CMC2: variants seen among roughly 807,000 people sequenced by gnomAD.
CMC2 encodes COX assembly mitochondrial protein 2 homolog.
CMC2 carries 5 observed loss-of-function variants against 7.5 expected under a neutral mutation model. The ratio of observed to expected loss-of-function variants is 0.66; its 90% CI spans 0.35 to 1.40. CMC2 has a LOEUF of 1.40. Among genes scored for constraint, CMC2 ranks in the 40% most tolerant of loss-of-function variants. The probability of loss-of-function intolerance (pLI) is 0.04; values close to 1 mark genes in which losing one functional copy is unlikely to be tolerated. For missense variants in CMC2, 115 were observed against 92.3 expected (o/e 1.25, Z -1.01); for synonymous variants, 37 against 31.4 (o/e 1.18, Z -0.60).
intron 2 of CMC2, among the ~76,000 whole-genome samples, chr16:80,991,165 CA>C (rs1967964501): frequency 6.6e-6 from 1 of 151,956 alleles, no homozygotes; most frequent in Admixed American, 6.6e-5. Flanking sequence ...TCCATACTGA[CA>C]TAAGTAAATA....
At position 80,975,178 on chromosome 16, in the gene CMC2, G is replaced by C. The variant is rs559633901; in HGVS notation, c.*915C>G. On this transcript the variant is annotated 3_prime_UTR_variant, in exon 4 of 4. Coordinates refer to ENST00000219400, the MANE Select transcript of CMC2 (RefSeq NM_020188.5). ...GGGAAGAACAGTCCTATACTCAGCA[G>C]AGAGGAGACACACTGGCCTAAGGTT... 1 of 152,386 alleles carries C rather than the reference G, an allele frequency of 6.6e-6. No homozygotes were observed. The highest frequency in any genetic ancestry group is 1.5e-5 in the Non-Finnish European group (1 of 68,056). 9.4% of individuals were successfully genotyped at this position (152,386 alleles called of 1,614,324 possible). A position where few individuals can be genotyped will look rare whatever the true frequency, so the allele number is the denominator to read the frequency against.
At chr16:81,000,632 C>T (rs981455983) in intron 1 of CMC2, among the ~76,000 whole-genome samples, 1 of 152,140 alleles carries the variant, frequency 6.6e-6, no homozygotes, top group Non-Finnish European at 1.5e-5. Context: ...AAATGCAAAT[C>T]AAAACCACAA....
At chr16:80,979,675 C>T (rs1966970394) in intron 3 of CMC2, among the ~76,000 whole-genome samples, 1 of 151,938 alleles carries the variant, frequency 6.6e-6, no homozygotes, top group Non-Finnish European at 1.5e-5. Flanking sequence ...GGCTAGAATG[C>T]AGTAATGTGA....
rs969983556 is a variant in CMC2 at position 80,970,304 on chromosome 16, C to G, written c.*5789G>C. On this transcript the variant is annotated 3_prime_UTR_variant, in exon 4 of 4. Transcript: ENST00000219400. ...AATCCAAATCTCACCGATTAATGGA[C>G]ATTAATTCCTATCTGGAATCCTAAC... The G allele has an allele frequency of 6.6e-6, 1 of 152,146 alleles. No homozygotes were observed. The highest frequency in any genetic ancestry group is 1.5e-5 in the Non-Finnish European group (1 of 68,042). 9.4% of individuals were successfully genotyped at this position (152,146 alleles called of 1,614,324 possible). A position where few individuals can be genotyped will look rare whatever the true frequency, so the allele number is the denominator to read the frequency against.
chr16:80,979,086 AT>A lies in CMC2; in HGVS notation c.153+2719del, dbSNP rs201264766. Among the ~76,000 whole-genome samples the A allele has an allele frequency of 2.3e-4, 34 of 150,572 alleles. 2 individuals are homozygous for A. In the South Asian group the frequency reaches 2.3e-3, roughly 10 times the overall value. ...ACAGAGTGAGACTCTGGCAAAAAAA[AT>A]AAAAAAATAAAAAAGCTTCATGGAA... On this transcript the variant is annotated intron_variant, in intron 3 of 3. Coordinates refer to ENST00000219400, the MANE Select transcript of CMC2 (RefSeq NM_020188.5).
Position 80,981,894 on chromosome 16 carries a change from G to T in CMC2, c.82-17C>A. On this transcript the variant is annotated splice_polypyrimidine_tract_variant and intron_variant, in intron 2 of 3. Transcript: ENST00000219400. The stretch of plus-strand genomic sequence containing the variant: ...AATGTTGTGCTAAAAGGAAGAAAAG[G>T]AGTAAAATATTTCATCCCATAATAT... The T allele has an allele frequency of 1.3e-6, 2 of 1,559,252 alleles. No homozygotes were observed. The highest frequency in any genetic ancestry group is 1.8e-6 in the Non-Finnish European group (2 of 1,133,374).
chr16:80,980,161 C>T (rs1269096501), intron 3 of CMC2, among the ~76,000 whole-genome samples: 1 of 151,452 alleles, frequency 6.6e-6, no homozygotes, highest in East Asian at 2.0e-4. Flanking sequence ...CTCAAAGGAT[C>T]CTCCTGCCTC....
chr16:80,978,774 C>G (rs115900917), intron 3 of CMC2, among the ~76,000 whole-genome samples: 2,728 of 152,054 alleles, frequency 0.018, 88 homozygotes, highest in African/African-American at 0.063. Context: ...TGGCCATACC[C>G]TTTTTCTACT....
At position 80,973,513 on chromosome 16, in the gene CMC2, C is replaced by A. The variant is rs927083019; in HGVS notation, c.*2580G>T. The A allele has an allele frequency of 6.6e-6, 1 of 152,210 alleles. No individual in the cohort carries two copies. Among genetic ancestry groups the A allele is most frequent in the African/African-American group, 2.4e-5 (1 of 41,448 alleles). 9.4% of individuals were successfully genotyped at this position (152,210 alleles called of 1,614,324 possible). A position where few individuals can be genotyped will look rare whatever the true frequency, so the allele number is the denominator to read the frequency against. On this transcript the variant is annotated 3_prime_UTR_variant, in exon 4 of 4. Transcript: ENST00000219400. ...CTGGGTTGAACTGGTTTAACCATAA[C>A]TATTCACCGAATAACCAGAAAGATC...
chr16:80,992,876 G>C (rs1042602377), intron 2 of CMC2, among the ~76,000 whole-genome samples: 32 of 152,084 alleles, frequency 2.1e-4, no homozygotes, highest in African/African-American at 2.2e-4. Context: ...ATTTTTTGTA[G>C]AGACAGGATC....
chr16:80,994,365 C>G (rs1968240672), intron 2 of CMC2, among the ~76,000 whole-genome samples: 1 of 148,314 alleles, frequency 6.7e-6, no homozygotes, highest in African/African-American at 2.5e-5. Flanking sequence ...AAGCACAAAC[C>G]ATGAAAGAAA....
Position 80,966,753 on chromosome 16 carries a change from T to C in CMC2, c.*9340A>G, listed in dbSNP as rs1911581018. ...AAAATCAACTTGACATGTACTCGAG[T>C]TATTTGTTTCAGCTTGTTTTCAAGT... is the stretch of plus-strand genomic sequence containing the variant. On this transcript the variant is annotated 3_prime_UTR_variant, in exon 4 of 4. Transcript: ENST00000219400. 1 of 152,160 alleles carries C rather than the reference T, an allele frequency of 6.6e-6. No homozygotes were observed. The highest frequency in any genetic ancestry group is 1.5e-5 in the Non-Finnish European group (1 of 68,028). The allele number at this position is 152,160 out of a possible 1,614,324, so 9.4% of individuals were successfully genotyped here. A position where few individuals can be genotyped will look rare whatever the true frequency, so the allele number is the denominator to read the frequency against.
At chr16:80,991,550 A>G (rs910747761) in intron 2 of CMC2, among the ~76,000 whole-genome samples, 5 of 151,966 alleles carry the variant, frequency 3.3e-5, no homozygotes, top group Non-Finnish European at 7.4e-5. Context: ...GTGAGATGAG[A>G]GGATCACCCA....
chr16:80,990,213 C>G (rs1458539953), intron 2 of CMC2, among the ~76,000 whole-genome samples: 1 of 151,214 alleles, frequency 6.6e-6, no homozygotes, highest in African/African-American at 2.5e-5. Context: ...CTCTGTCACC[C>G]AGGCTAGCGT....
chr16:80,989,825 T>C (rs1433279242), intron 2 of CMC2, among the ~76,000 whole-genome samples: 1 of 152,188 alleles, frequency 6.6e-6, no homozygotes, highest in African/African-American at 2.4e-5. Flanking sequence ...AAGAAACCTG[T>C]CTCTTTTCGT....
chr16:80,997,144 T>C (rs1968488474), intron 2 of CMC2, 170 bp downstream of exon 2: 1 of 606,956 alleles, frequency 1.6e-6, no homozygotes, highest in African/African-American at 1.9e-5. Context: ...AGGAGGTAGT[T>C]TGTGTAAAAA....
At chr16:81,001,889 G>A (rs747982292) in intron 1 of CMC2, among the ~76,000 whole-genome samples, 1 of 151,830 alleles carries the variant, frequency 6.6e-6, no homozygotes, top group African/African-American at 2.4e-5. Flanking sequence ...CACAAATAAA[G>A]CCATTGCACC....
At position 80,971,608 on chromosome 16, in the gene CMC2, A is replaced by G. The variant is rs564258976; in HGVS notation, c.*4485T>C. The G allele has an allele frequency of 2.7e-4, 40 of 147,016 alleles. No homozygotes were observed. In the South Asian group the frequency reaches 6.9e-3, roughly 26 times the overall value. 9.1% of individuals were successfully genotyped at this position (147,016 alleles called of 1,614,324 possible). ...TATGTATGAAATCATGCATATATAT[A>G]TATGTATGAAATCATGCATGAGAAT... On this transcript the variant is annotated 3_prime_UTR_variant, in exon 4 of 4. Transcript: ENST00000219400.
Position 80,967,359 on chromosome 16 carries a change from G to C in CMC2, c.*8734C>G, listed in dbSNP as rs899653099. The C allele has an allele frequency of 1.3e-5, 2 of 153,342 alleles. No individual in the cohort carries two copies. Among genetic ancestry groups the C allele is most frequent in the African/African-American group, 2.4e-5 (1 of 41,380 alleles). 9.5% of individuals were successfully genotyped at this position (153,342 alleles called of 1,614,324 possible). On this transcript the variant is annotated 3_prime_UTR_variant, in exon 4 of 4. Transcript: ENST00000219400. ...TTTGTTTTGTTTTGTTTTGTTTTTT[G>C]AGACGGAGCTCGCCGTGTCGCCCAG...
Sources: allele counts gnomAD v4.1 joint callset (sites outside exome capture counted in the v4.1 genomes callset), GRCh38; gene constraint gnomAD v4.1.1; transcripts MANE v1.5; gene names NCBI Gene and HGNC (gene_info 2026-07-23, HGNC 2026-07-21).